NTN4: variants seen among roughly 807,000 people sequenced by gnomAD.
NTN4 encodes netrin 4.
A neutral mutation model predicts 73.6 loss-of-function variants in NTN4; 32 were observed. The ratio of observed to expected loss-of-function variants is 0.44; its 90% CI spans 0.33 to 0.58. The LOEUF is 0.58. NTN4 is among the 20% of genes least tolerant of loss of function. The probability of loss-of-function intolerance (pLI) is 0.04; values close to 1 mark genes in which losing one functional copy is unlikely to be tolerated. For missense variants in NTN4, 654 were observed against 798.3 expected (o/e 0.82, Z 2.18); for synonymous variants, 258 against 287.5 (o/e 0.90, Z 1.04).
intron 2 of NTN4, among the ~76,000 whole-genome samples, chr12:95,762,487 T>G (rs571532998): frequency 2.7e-4 from 41 of 152,330 alleles, no homozygotes; most frequent in African/African-American, 9.1e-4. Flanking sequence ...GTCTGAAGTA[T>G]GAGGATTAGT....
At chr12:95,670,366 C>T in intron 7 of NTN4, 1 of 379,972 alleles carries the variant, frequency 2.6e-6, no homozygotes, top group Non-Finnish European at 4.7e-6. Context: ...AAGAGAAATA[C>T]AGAAGGTAGA....
chr12:95,701,707 C>T (rs368632337), intron 5 of NTN4, among the ~76,000 whole-genome samples: 68 of 152,264 alleles, frequency 4.5e-4, no homozygotes, highest in African/African-American at 1.4e-3. Flanking sequence ...AAAATGTACA[C>T]ATAAAACCAT....
rs900207936 is a variant in NTN4 at position 95,693,002 on chromosome 12, TA to T, written c.1181-9292del. ...TCAGGCATCTAGTGGCACCAAATGC[TA>T]AAAAAAAAAAGGATATTATTATCTA... is the stretch of plus-strand genomic sequence containing the variant. On this transcript the variant is annotated intron_variant, in intron 5 of 9. Coordinates refer to ENST00000343702, the MANE Select transcript of NTN4 (RefSeq NM_021229.4). 4.3e-3 allele frequency among the ~76,000 whole-genome samples: 623 copies of T among 145,862 alleles called. 5 individuals carry two copies. Among genetic ancestry groups the T allele is most frequent in the African/African-American group, 0.012 (479 of 39,792 alleles).
intron 5 of NTN4, among the ~76,000 whole-genome samples, chr12:95,689,305 C>T (rs2078385020): frequency 6.6e-6 from 1 of 152,174 alleles, no homozygotes; most frequent in Non-Finnish European, 1.5e-5. Flanking sequence ...CTTAGCCAAA[C>T]ATGTAAGGTC....
chr12:95,788,724 T>C lies in NTN4; in HGVS notation c.56-1256A>G, dbSNP rs573232039. Among the ~76,000 whole-genome samples, 5 of 152,338 alleles carry C rather than the reference T, an allele frequency of 3.3e-5. No individual in the cohort carries two copies. In the East Asian group the frequency reaches 9.6e-4, roughly 29 times the overall value. ...TGCAACTAAAGGGCTTCCTTAGGCA[T>C]TATTTTTTAAATGTCAAATTAAAGT... On this transcript the variant is annotated intron_variant, in intron 1 of 9. Transcript: ENST00000343702.
At chr12:95,749,533 C>G (rs997503024) in intron 2 of NTN4, among the ~76,000 whole-genome samples, 12 of 152,272 alleles carry the variant, frequency 7.9e-5, no homozygotes, top group South Asian at 2.1e-4. Flanking sequence ...ATTTCAATTC[C>G]TTTCATTTTC....
At chr12:95,774,169 TTCTC>T (rs1431853093) in intron 2 of NTN4, among the ~76,000 whole-genome samples, 1 of 105,828 alleles carries the variant, frequency 9.4e-6, no homozygotes, top group South Asian at 3.9e-4. Flanking sequence ...GTTTTAGTTT[TTCTC>T]TCTTTTTTTT....
At chr12:95,775,829 A>G (rs542334180) in intron 2 of NTN4, among the ~76,000 whole-genome samples, 35 of 152,286 alleles carry the variant, frequency 2.3e-4, no homozygotes, top group Non-Finnish European at 4.6e-4. Flanking sequence ...CTTTGAAGAG[A>G]GTAGTGGTTC....
chr12:95,721,033 A>G (rs534562396), intron 3 of NTN4, among the ~76,000 whole-genome samples: 3 of 152,360 alleles, frequency 2.0e-5, no homozygotes, highest in South Asian at 2.1e-4. Context: ...CACAAAGCCA[A>G]TAAGTGGTAA....
chr12:95,730,651 A>T (rs2078730768), intron 3 of NTN4, among the ~76,000 whole-genome samples: 1 of 152,212 alleles, frequency 6.6e-6, no homozygotes, highest in Non-Finnish European at 1.5e-5. Flanking sequence ...TCTATTAGGA[A>T]ATATGAGGTA....
intron 2 of NTN4, among the ~76,000 whole-genome samples, chr12:95,759,485 A>ATTTTTTTT (rs748864733): frequency 8.2e-6 from 1 of 122,308 alleles, no homozygotes; most frequent in Non-Finnish European, 1.7e-5. Context: ...CCCTAGTAGT[A>ATTTTTTTT]TTTTTGTTTT....
At chr12:95,767,429 C>T (rs10859942) in intron 2 of NTN4, among the ~76,000 whole-genome samples, 73,672 of 151,944 alleles carry the variant, frequency 0.48, 18,233 homozygotes, top group African/African-American at 0.54. Context: ...AATATTTAAA[C>T]CTCTCTCACC....
chr12:95,739,123 G>GT (rs1457789320), intron 2 of NTN4, among the ~76,000 whole-genome samples: 1 of 152,210 alleles, frequency 6.6e-6, no homozygotes, highest in African/African-American at 2.4e-5. Flanking sequence ...TCCCAGGACA[G>GT]TGGCTGGCAC....
intron 1 of NTN4, among the ~76,000 whole-genome samples, chr12:95,788,360 C>G (rs1347127775): frequency 6.6e-6 from 1 of 152,170 alleles, no homozygotes; most frequent in Non-Finnish European, 1.5e-5. Flanking sequence ...ACTTTTCCTC[C>G]CAAAGGTCCA....
chr12:95,787,665 C>CGT lies in NTN4; in HGVS notation c.56-199_56-198dup, dbSNP rs201100059. On this transcript the variant is annotated intron_variant, in intron 1 of 9. Transcript: ENST00000343702. Reference sequence around the variant, plus strand: ...TGCATTCACAATGCATTCGTGTATGCGTGTGTGTGTGCGTGTGTGTGTGTA... The same window carrying CGT: ...TGCATTCACAATGCATTCGTGTATGCGTGTGTGTGTGTGCGTGTGTGTGTGTA... 2.8e-5 allele frequency among the ~76,000 whole-genome samples: 4 copies of CGT among 142,964 alleles called. No homozygotes were observed. The East Asian group carries it at 6.1e-4, about 22-fold the overall frequency. 93.8% of individuals were successfully genotyped at this position (142,964 alleles called of 152,430 possible). A position where few individuals can be genotyped will look rare whatever the true frequency, so the allele number is the denominator to read the frequency against.
chr12:95,787,295 A>G lies in NTN4; in HGVS notation c.229T>C (p.Cys77Arg). The change falls in exon 2 of 10, where the codon TGT becomes CGT. Residue 77 changes from cysteine to arginine, a missense_variant. Transcript: ENST00000343702. ...NTDLTCRQPKCDKCNAAYPHL... is the reference protein window; with the variant it reads ...NTDLTCRQPKRDKCNAAYPHL... ...GGATAGGCAGCATTGCACTTGTCAC[A>G]TTTGGGCTGCCGACAAGTCAGATCC... 1 of 1,614,244 alleles carries G rather than the reference A, an allele frequency of 6.2e-7. No individual in the cohort carries two copies. The highest frequency in any genetic ancestry group is 8.5e-7 in the Non-Finnish European group (1 of 1,180,040).
At chr12:95,787,520 T>G in intron 1 of NTN4, 52 bp from the exon 2 acceptor site, 3 of 1,564,148 alleles carry the variant, frequency 1.9e-6, no homozygotes, top group Non-Finnish European at 2.6e-6. Flanking sequence ...TGGAAAGCTC[T>G]TTTGGCCACC....
chr12:95,751,224 A>G (rs2078904714), intron 2 of NTN4, among the ~76,000 whole-genome samples: 1 of 151,918 alleles, frequency 6.6e-6, no homozygotes, highest in Non-Finnish European at 1.5e-5. Flanking sequence ...AAGGTGTACA[A>G]TAATAGAAAA....
Position 95,751,442 on chromosome 12 carries a change from G to A in NTN4, c.586-13298C>T, listed in dbSNP as rs905671981. On this transcript the variant is annotated intron_variant, in intron 2 of 9. Transcript: ENST00000343702. ...TCCTCCAGAACCTCCTCCCACAGGA[G>A]CTTGCTACATATGCTGGAAATCTGG... Among the ~76,000 whole-genome samples the A allele has an allele frequency of 2.8e-4, 42 of 152,354 alleles. 2 individuals carry two copies. The highest frequency in any genetic ancestry group is 2.0e-3 in the Admixed American group (31 of 15,306).
Sources: allele counts gnomAD v4.1 joint callset (sites outside exome capture counted in the v4.1 genomes callset), GRCh38; gene constraint gnomAD v4.1.1; transcripts MANE v1.5; gene names NCBI Gene and HGNC (gene_info 2026-07-23, HGNC 2026-07-21).